Variants in NLK observed in about 807,000 individuals in gnomAD.
The protein encoded by NLK is nemo like kinase, also known as serine/threonine-protein kinase NLK.
Under a neutral mutation model 59.0 loss-of-function variants are expected in NLK, and 11 were observed. That is an observed-to-expected ratio of 0.19 (90% CI 0.12 to 0.31). The LOEUF is 0.31. Ranked by LOEUF, NLK falls within the 10% of genes least tolerant of loss-of-function variation. The probability of loss-of-function intolerance (pLI) is 1.00; values close to 1 mark genes in which losing one functional copy is unlikely to be tolerated. For synonymous variants in NLK, 235 were observed against 235.9 expected (o/e 1.00, Z 0.03); for missense variants, 410 against 661.1 (o/e 0.62, Z 4.16).
intron 1 of NLK, among the ~76,000 whole-genome samples, chr17:28,072,061 C>CTT (rs778987762): frequency 1.3e-5 from 2 of 152,174 alleles, no homozygotes; most frequent in African/African-American, 2.4e-5. Context: ...CTTATCTAAC[C>CTT]TTTTCTCCTT....
At chr17:28,167,909 T>C (rs1215945597) in intron 5 of NLK, among the ~76,000 whole-genome samples, 1 of 152,144 alleles carries the variant, frequency 6.6e-6, no homozygotes, top group South Asian at 2.1e-4. Context: ...CATGTTTTTA[T>C]TGATAAAGAT....
At chr17:28,147,352 G>A (rs139531915) in intron 3 of NLK, among the ~76,000 whole-genome samples, 1 of 152,288 alleles carries the variant, frequency 6.6e-6, no homozygotes, top group Non-Finnish European at 1.5e-5. Flanking sequence ...TGTTTCTGTG[G>A]TGACTGTGTA....
chr17:28,067,341 A>T (rs1359952900), intron 1 of NLK, among the ~76,000 whole-genome samples: 1 of 152,110 alleles, frequency 6.6e-6, no homozygotes, highest in South Asian at 2.1e-4. Flanking sequence ...CTATTCATTT[A>T]TTGAAGTTTT....
intron 1 of NLK, among the ~76,000 whole-genome samples, chr17:28,069,192 C>T (rs1468013333): frequency 1.3e-5 from 2 of 152,094 alleles, no homozygotes; most frequent in Non-Finnish European, 2.9e-5. Context: ...CTCTTATGTG[C>T]GAGGCTTCTT....
intron 5 of NLK, among the ~76,000 whole-genome samples, chr17:28,164,010 C>T (rs1908118010): frequency 6.6e-6 from 1 of 152,184 alleles, no homozygotes; most frequent in African/African-American, 2.4e-5. Context: ...TACATTTTTA[C>T]ACAGCTAACA....
At position 28,042,837 on chromosome 17, in the gene NLK, C is replaced by A; in HGVS notation, c.-37C>A. 6.8e-7 allele frequency: 1 copy of A among 1,461,872 alleles called. No homozygotes were observed. Among genetic ancestry groups the A allele is most frequent in the Non-Finnish European group, 9.1e-7 (1 of 1,099,494 alleles). 90.6% of individuals were successfully genotyped at this position (1,461,872 alleles called of 1,614,324 possible). A position where few individuals can be genotyped will look rare whatever the true frequency, so the allele number is the denominator to read the frequency against. ...TTTAAATGGCCAAATGACAGCTTGA[C>A]CCAGTTTGCTTTCCAATCAAAGGGC... On this transcript the variant is annotated 5_prime_UTR_variant, in exon 1 of 11. Transcript: ENST00000407008.
At position 28,185,228 on chromosome 17, in the gene NLK, C is replaced by A; in HGVS notation, c.1199C>A (p.Ala400Asp). The A allele has an allele frequency of 6.3e-7, 1 of 1,594,664 alleles. No individual in the cohort carries two copies. Among genetic ancestry groups the A allele is most frequent in the Admixed American group, 1.7e-5 (1 of 57,752 alleles). Residue 400 changes from alanine (A) to aspartate (D), a missense_variant, in exon 8 of 11, where the codon GCT (alanine) becomes GAT (aspartate). Around this residue, in one of 5 missense-constraint regions of NLK, gnomAD observed 150 missense variants for 244.3 expected, o/e 0.61. Transcript: ENST00000407008. ...CTGTCTAGCCAGGCTACACATGAAG[C>A]TGTTCATCTCCTTTGCAGGATGTTG... ...YTLSSQATHE[A>D]VHLLCRMLVF...
chr17:28,143,464 T>C lies in NLK; in HGVS notation c.644+10789T>C, dbSNP rs537320279. Among the ~76,000 whole-genome samples the C allele has an allele frequency of 1.1e-4, 16 of 152,208 alleles. No homozygotes were observed. In the South Asian group the frequency reaches 2.9e-3, roughly 28 times the overall value. On this transcript the variant is annotated intron_variant, in intron 3 of 10. Transcript: ENST00000407008. ...CTGGCTTAGCATTAGTTTCTGTCCATATTAAATGAAAAAAGAATGATTAAG... is the reference window on the plus strand; with the variant it reads ...CTGGCTTAGCATTAGTTTCTGTCCACATTAAATGAAAAAAGAATGATTAAG...
intron 5 of NLK, among the ~76,000 whole-genome samples, chr17:28,168,047 G>A (rs867084727): frequency 2.0e-5 from 3 of 150,866 alleles, no homozygotes; most frequent in Admixed American, 6.6e-5. Context: ...CAGAGTGGCC[G>A]GGCGCAGTGG....
intron 1 of NLK, among the ~76,000 whole-genome samples, chr17:28,063,560 A>G (rs1293065754): frequency 3.3e-5 from 5 of 152,188 alleles, no homozygotes; most frequent in African/African-American, 1.2e-4. Flanking sequence ...TAATTTTACC[A>G]TCTGATAGTT....
At chr17:28,048,811 GTA>G (rs1312903927) in intron 1 of NLK, 1 of 152,164 alleles carries the variant, frequency 6.6e-6, no homozygotes, top group Non-Finnish European at 1.5e-5. Context: ...TTCATATACT[GTA>G]TGTTTCCTTA....
At chr17:28,200,587 G>A (rs1170181424), downstream of NLK, among the ~76,000 whole-genome samples, 3 of 152,154 alleles carry the variant, frequency 2.0e-5, no homozygotes, top group East Asian at 1.9e-4. Context: ...TGGTTCAAGC[G>A]ATTCTCCTGC....
At chr17:28,089,513 T>C (rs1904405628) in intron 1 of NLK, among the ~76,000 whole-genome samples, 1 of 152,100 alleles carries the variant, frequency 6.6e-6, no homozygotes, top group African/African-American at 2.4e-5. Flanking sequence ...TTATTTCTAG[T>C]TTAGGGCTAT....
chr17:28,073,521 G>T (rs1362351697), intron 1 of NLK, among the ~76,000 whole-genome samples: 1 of 152,172 alleles, frequency 6.6e-6, no homozygotes, highest in Non-Finnish European at 1.5e-5. Context: ...GGTTAACCAT[G>T]TATTTTATCC....
At chr17:28,160,320 C>G (rs902470212) in intron 3 of NLK, among the ~76,000 whole-genome samples, 1 of 152,198 alleles carries the variant, frequency 6.6e-6, no homozygotes, top group Non-Finnish European at 1.5e-5. Flanking sequence ...CAGTTCTCCT[C>G]CCTGTTCCCA....
chr17:28,103,524 G>A (rs1449095774), intron 1 of NLK, among the ~76,000 whole-genome samples: 1 of 152,170 alleles, frequency 6.6e-6, no homozygotes, highest in Non-Finnish European at 1.5e-5. Context: ...TCAATTAAGG[G>A]AAGTTTTGTG....
At chr17:28,047,717 ATTGTC>A (rs1264879876) in intron 1 of NLK, among the ~76,000 whole-genome samples, 1 of 152,122 alleles carries the variant, frequency 6.6e-6, no homozygotes, top group East Asian at 1.9e-4. Context: ...CATGGTAGAG[ATTGTC>A]TAGCTTGCTC....
intron 10 of NLK, among the ~76,000 whole-genome samples, chr17:28,194,309 A>G (rs1355897599): frequency 6.6e-6 from 1 of 152,242 alleles, no homozygotes; most frequent in Non-Finnish European, 1.5e-5. Flanking sequence ...TTTCCAAATG[A>G]GAAGAGATTA....
intron 1 of NLK, among the ~76,000 whole-genome samples, chr17:28,082,728 G>T (rs984446322): frequency 7.2e-5 from 11 of 152,160 alleles, no homozygotes; most frequent in African/African-American, 2.4e-4. Flanking sequence ...CTGTCTTTTT[G>T]AATTGAGTAG....
Sources: allele counts gnomAD v4.1 joint callset (sites outside exome capture counted in the v4.1 genomes callset), GRCh38; gene constraint gnomAD v4.1.1; regional missense constraint gnomAD v4.1.1; transcripts MANE v1.5; gene names NCBI Gene and HGNC (gene_info 2026-07-23, HGNC 2026-07-21).